TMEM252: variants seen among roughly 807,000 people sequenced by gnomAD.
TMEM252 encodes the protein transmembrane protein 252.
In TMEM252, 4 loss-of-function variants were observed where a neutral mutation model predicts 6.4. That is an observed-to-expected ratio of 0.62 (90% CI 0.31 to 1.43). The LOEUF (loss-of-function observed/expected upper bound fraction) is 1.43, where lower values mean the gene tolerates loss of function less well. Ranked by LOEUF, TMEM252 falls within the 40% of genes most tolerant of loss-of-function variation. The pLI is 0.07. For missense variants in TMEM252, 207 were observed against 209.4 expected, an observed-to-expected ratio of 0.99 and a Z score of 0.07; for synonymous variants, 85 against 82.5, an observed-to-expected ratio of 1.03 and a Z score of -0.17.
chr9:68,537,464 T>C lies in TMEM252; in HGVS notation c.308A>G (p.Glu103Gly). 6.2e-7 allele frequency: 1 copy of C among 1,602,198 alleles called. No individual in the cohort carries two copies. The highest frequency in any genetic ancestry group is 1.1e-5 in the South Asian group (1 of 88,526). Residue 103 changes from glutamate (E) to glycine (G), a missense_variant, in exon 2 of 2, where the codon GAG (glutamate) becomes GGG (glycine). Transcript: ENST00000377311. The stretch of plus-strand genomic sequence containing the variant: ...GCTCTGCTTTTCCACCTCAAGGCTC[T>C]CTTCATAAGCTGGAGGGTAAAAGTC... ...RPDFYPPAYE[E>G]SLEVEKQSCP...
chr9:68,538,799 T>G (rs1013012599), intron 1 of TMEM252, among the ~76,000 whole-genome samples: 4 of 152,216 alleles, frequency 2.6e-5, no homozygotes, highest in African/African-American at 9.6e-5. Flanking sequence ...GGTGTTACGA[T>G]GTCCATAATT....
intron 1 of TMEM252, among the ~76,000 whole-genome samples, chr9:68,538,020 G>C (rs939952426): frequency 2.0e-5 from 3 of 152,142 alleles, no homozygotes; most frequent in Admixed American, 1.3e-4. Context: ...ACACCCTTTC[G>C]AGACTCAGTA....
At chr9:68,540,490 T>C (rs1395273386) in intron 1 of TMEM252, 47 bp downstream of exon 1, 1 of 1,605,954 alleles carries the variant, frequency 6.2e-7, no homozygotes, top group African/African-American at 1.3e-5. Context: ...CTTACACAAC[T>C]CAGCCCATCT....
Position 68,537,142 on chromosome 9 carries a change from G to GCT in TMEM252, c.*115_*116dup. ...TTCAGGGCTGTCATCCCCTCCCCAAGCTCTCTTGTGGGGTCCCTGGTGTGG... is the reference window on the plus strand; with the variant it reads ...TTCAGGGCTGTCATCCCCTCCCCAAGCTCTCTCTTGTGGGGTCCCTGGTGTGG... On this transcript the variant is annotated 3_prime_UTR_variant, in exon 2 of 2. Transcript: ENST00000377311. 1 of 894,550 alleles carries GCT rather than the reference G, an allele frequency of 1.1e-6. No individual in the cohort carries two copies. 55.4% of individuals were successfully genotyped at this position (894,550 alleles called of 1,614,324 possible).
chr9:68,539,312 C>G (rs1825175927), intron 1 of TMEM252, among the ~76,000 whole-genome samples: 1 of 152,000 alleles, frequency 6.6e-6, no homozygotes, highest in South Asian at 2.1e-4. Flanking sequence ...TTAACTGAAT[C>G]TTTTTTTTCT....
rs1825150918 is a variant in TMEM252 at position 68,537,267 on chromosome 9, C to T, written c.505G>A (p.Glu169Lys). The T allele has an allele frequency of 2.5e-6, 4 of 1,604,968 alleles. No homozygotes were observed. In the East Asian group the frequency reaches 9.0e-5, roughly 36 times the overall value. The part of the protein sequence containing the change: ...ISEDAQRRGQ[E>K]C ...GGAGAGCTTTCTCTGCCTCAGCACT[C>T]TTGGCCTCGCCTCTGGGCGTCCTCT... The change falls in exon 2 of 2, where the codon GAG becomes AAG. Residue 169 changes from glutamate to lysine, a missense_variant. Coordinates refer to ENST00000377311, the MANE Select transcript of TMEM252 (RefSeq NM_153237.2).
At chr9:68,539,193 A>T (rs1825174520) in intron 1 of TMEM252, among the ~76,000 whole-genome samples, 1 of 152,228 alleles carries the variant, frequency 6.6e-6, no homozygotes, top group African/African-American at 2.4e-5. Context: ...AAATAATTAT[A>T]GTCTTGTAGC....
At chr9:68,540,048 A>G (rs2132129301) in intron 1 of TMEM252, among the ~76,000 whole-genome samples, 1 of 152,326 alleles carries the variant, frequency 6.6e-6, no homozygotes, top group South Asian at 2.1e-4. Context: ...GTTTTATGCA[A>G]GGTGAGATCA....
intron 1 of TMEM252, 80 bp from the exon 2 acceptor site, chr9:68,537,573 T>C: frequency 8.9e-7 from 1 of 1,126,940 alleles, no homozygotes; most frequent in Admixed American, 2.6e-5. Context: ...CTCTCTCAGC[T>C]CAAATTGTGC....
chr9:68,537,827 T>C (rs1825159817), intron 1 of TMEM252, among the ~76,000 whole-genome samples: 1 of 152,202 alleles, frequency 6.6e-6, no homozygotes, highest in Non-Finnish European at 1.5e-5. Context: ...AGGTGGGGGC[T>C]TTGGATAGGG....
In TMEM252 at chr9:68,540,613, C is replaced by T; in HGVS notation, c.202G>A (p.Glu68Lys). 1 of 1,614,186 alleles carries T rather than the reference C, an allele frequency of 6.2e-7. No homozygotes were observed. Among genetic ancestry groups the T allele is most frequent in the Non-Finnish European group, 8.5e-7 (1 of 1,180,022 alleles). Residue 68 changes from glutamate to lysine, a missense_variant, in exon 1 of 2, where the codon GAA becomes AAA. Glu to Lys is a moderately conservative substitution (Grantham distance 56, BLOSUM62 1). Transcript: ENST00000377311. ...IFWSNYRQVT[E>K]SKGVLRHMLR... The stretch of plus-strand genomic sequence containing the variant: ...ATGTGCCTCAACACTCCTTTGCTTT[C>T]AGTCACCTGGCGATAGTTGCTCCAG...
chr9:68,536,608 G>C lies in TMEM252; in HGVS notation c.*651C>G, dbSNP rs983580393. ...TAAGAAACAGCTCATTTAATATTTTGTGTTTGAACCATCTTGAAGGCAAAT... is the reference window on the plus strand; with the variant it reads ...TAAGAAACAGCTCATTTAATATTTTCTGTTTGAACCATCTTGAAGGCAAAT... On this transcript the variant is annotated 3_prime_UTR_variant, in exon 2 of 2. Transcript: ENST00000377311. 6.6e-6 allele frequency: 1 copy of C among 152,204 alleles called. No individual in the cohort carries two copies. Among genetic ancestry groups the C allele is most frequent in the East Asian group, 1.9e-4 (1 of 5,182 alleles). 9.4% of individuals were successfully genotyped at this position (152,204 alleles called of 1,614,324 possible). A position where few individuals can be genotyped will look rare whatever the true frequency, so the allele number is the denominator to read the frequency against.
intron 1 of TMEM252, among the ~76,000 whole-genome samples, chr9:68,539,668 T>C (rs890045120): frequency 5.3e-5 from 8 of 152,260 alleles, no homozygotes; most frequent in Non-Finnish European, 7.3e-5. Flanking sequence ...ATATACCACA[T>C]TTTGTTTATC....
chr9:68,539,897 G>A (rs902524295), intron 1 of TMEM252, among the ~76,000 whole-genome samples: 44 of 152,208 alleles, frequency 2.9e-4, no homozygotes, highest in African/African-American at 1.1e-3. Flanking sequence ...CACCAGCAAT[G>A]CACAGCGTTC....
chr9:68,539,294 C>T, intron 1 of TMEM252, among the ~76,000 whole-genome samples: 1 of 152,146 alleles, frequency 6.6e-6, no homozygotes, highest in Non-Finnish European at 1.5e-5. Context: ...CTGATACTGA[C>T]TATAAGATTA....
Position 68,536,620 on chromosome 9 carries a change from T to C in TMEM252, c.*639A>G, listed in dbSNP as rs971515921. 5 of 152,184 alleles carry C rather than the reference T, an allele frequency of 3.3e-5. No homozygotes were observed. The highest frequency in any genetic ancestry group is 3.3e-4 in the Admixed American group (5 of 15,276). 9.4% of individuals were successfully genotyped at this position (152,184 alleles called of 1,614,324 possible). ...CATTTAATATTTTGTGTTTGAACCA[T>C]CTTGAAGGCAAATATTACAGTCATT... On this transcript the variant is annotated 3_prime_UTR_variant, in exon 2 of 2. Coordinates refer to ENST00000377311, the MANE Select transcript of TMEM252 (RefSeq NM_153237.2).
At chr9:68,540,236 ACAG>A (rs1315206354) in intron 1 of TMEM252, among the ~76,000 whole-genome samples, 4 of 152,210 alleles carry the variant, frequency 2.6e-5, no homozygotes, top group Admixed American at 1.3e-4. Flanking sequence ...CTAATTAATG[ACAG>A]CTGCCATGAT....
chr9:68,537,200 T>TCAAG lies in TMEM252; in HGVS notation c.*58_*59insCTTG. The TCAAG allele has an allele frequency of 2.7e-6, 4 of 1,479,742 alleles. No individual in the cohort carries two copies. Among genetic ancestry groups the TCAAG allele is most frequent in the Non-Finnish European group, 3.7e-6 (4 of 1,081,676 alleles). The allele number at this position is 1,479,742 out of a possible 1,614,324, so 91.7% of individuals were successfully genotyped here. On this transcript the variant is annotated 3_prime_UTR_variant, in exon 2 of 2. Transcript: ENST00000377311. The stretch of plus-strand genomic sequence containing the variant: ...TCCCACAGTCCCTCGTTTGCCTTTA[T>TCAAG]TATCAGTAGCTGCTCCCCACAGTGG...
At chr9:68,538,106 T>C (rs1208921756) in intron 1 of TMEM252, among the ~76,000 whole-genome samples, 1 of 152,246 alleles carries the variant, frequency 6.6e-6, no homozygotes, top group Non-Finnish European at 1.5e-5. Context: ...CAGATTTCAG[T>C]TGTAGCCCTT....
Sources: gnomAD v4.1 joint callset for allele counts (sites outside exome capture counted in the v4.1 genomes callset) on GRCh38, gnomAD v4.1.1 for gene constraint, MANE v1.5 for transcripts, NCBI Gene and HGNC (gene_info 2026-07-23, HGNC 2026-07-21) for gene names.